SSBP2: variants seen among roughly 807,000 people sequenced by gnomAD.
The protein encoded by SSBP2 is single-stranded DNA-binding protein 2.
In SSBP2, 17 loss-of-function variants were observed where a neutral mutation model predicts 61.8. The ratio of observed to expected loss-of-function variants is 0.28; its 90% CI spans 0.19 to 0.41. SSBP2 has a LOEUF of 0.41. Ranked by LOEUF, SSBP2 falls within the 10% of genes least tolerant of loss-of-function variation. The pLI, the probability that SSBP2 is intolerant of heterozygous loss-of-function variation, is 1.00. For synonymous variants in SSBP2, 139 were observed against 141.3 expected, an observed-to-expected ratio of 0.98 and a Z score of 0.12; for missense variants, 310 against 458.7, an observed-to-expected ratio of 0.68 and a Z score of 2.96.
rs537397618 is a variant in SSBP2, at chr5:81,596,094, G to A, written c.282+19379C>T. Among the ~76,000 whole-genome samples, 21 of 152,218 alleles carry A rather than the reference G, an allele frequency of 1.4e-4. No individual in the cohort carries two copies. The South Asian group carries it at 3.7e-3, about 27-fold the overall frequency. On this transcript the variant is annotated intron_variant, in intron 4 of 16. Transcript: ENST00000320672. Reference sequence around the variant, plus strand: ...GATTGTATATCTAGAAAACCCCAACGTCTCAGCCCAAAATCTCCTCAAGCT... The same window carrying A: ...GATTGTATATCTAGAAAACCCCAACATCTCAGCCCAAAATCTCCTCAAGCT...
intron 1 of SSBP2, among the ~76,000 whole-genome samples, chr5:81,671,563 A>G (rs912837755): frequency 7.2e-5 from 11 of 152,176 alleles, no homozygotes; most frequent in Admixed American, 6.6e-4. Flanking sequence ...GTTTGAAACA[A>G]AAACCATTTT....
chr5:81,473,681 A>G lies in SSBP2; in HGVS notation c.570+19T>C. ...TGGTTCCATATCTTTGCTATTGTAA[A>G]TATGCACTGATTATTTACCTGTGGT... On this transcript the variant is annotated intron_variant, in intron 8 of 16. Coordinates refer to ENST00000320672, the MANE Select transcript of SSBP2 (RefSeq NM_012446.5). 1 of 1,612,644 alleles carries G rather than the reference A, an allele frequency of 6.2e-7. No homozygotes were observed. Among genetic ancestry groups the G allele is most frequent in the Non-Finnish European group, 8.5e-7 (1 of 1,178,860 alleles).
At chr5:81,615,397 G>T in intron 4 of SSBP2, 76 bp downstream of exon 4, 1 of 1,031,584 alleles carries the variant, frequency 9.7e-7, no homozygotes, top group Non-Finnish European at 1.5e-6. Context: ...GAATAGATGA[G>T]CCAGTGTATT....
intron 2 of SSBP2, among the ~76,000 whole-genome samples, chr5:81,643,689 A>G (rs1749007285): frequency 7.7e-6 from 1 of 129,742 alleles, no homozygotes; most frequent in Non-Finnish European, 1.5e-5. Context: ...TGCAACCTCC[A>G]CTGCCCAGGC....
intron 4 of SSBP2, among the ~76,000 whole-genome samples, chr5:81,545,638 C>G (rs1771674887): frequency 6.6e-6 from 1 of 152,110 alleles, no homozygotes; most frequent in African/African-American, 2.4e-5. Flanking sequence ...GTGATATACT[C>G]TGGGATATAT....
At chr5:81,654,208 T>TC (rs1309444266) in intron 1 of SSBP2, among the ~76,000 whole-genome samples, 3 of 152,112 alleles carry the variant, frequency 2.0e-5, no homozygotes, top group African/African-American at 7.2e-5. Context: ...CAAGAGATCC[T>TC]CCTGCCTAGG....
chr5:81,431,458 C>CATAT (rs202176296), intron 15 of SSBP2, among the ~76,000 whole-genome samples: 1 of 151,852 alleles, frequency 6.6e-6, no homozygotes, highest in African/African-American at 2.4e-5. Flanking sequence ...TATTTATATA[C>CATAT]ATATATATAT....
At chr5:81,664,672 TA>T (rs1417368156) in intron 1 of SSBP2, among the ~76,000 whole-genome samples, 2 of 152,210 alleles carry the variant, frequency 1.3e-5, no homozygotes, top group African/African-American at 2.4e-5. Context: ...TGGAAGTTAC[TA>T]AACAATTCGT....
rs969261451 is a variant in SSBP2, at chr5:81,676,088, C to T, written c.63-25749G>A. Among the ~76,000 whole-genome samples the T allele has an allele frequency of 2.0e-5, 3 of 152,142 alleles. No individual in the cohort carries two copies. In the East Asian group the frequency reaches 5.8e-4, roughly 29 times the overall value. On this transcript the variant is annotated intron_variant, in intron 1 of 16. Transcript: ENST00000320672. ...AAAGTCCCTCAGGCAACTTAAATGC[C>T]ATCGCTTCTCTGTTCTGCCTCTTAG...
Position 81,442,633 on chromosome 5 carries a change from T to TA in SSBP2, c.849+19dup. 3 of 1,432,436 alleles carry TA rather than the reference T, an allele frequency of 2.1e-6. No individual in the cohort carries two copies. Among genetic ancestry groups the TA allele is most frequent in the Non-Finnish European group, 2.9e-6 (3 of 1,034,252 alleles). 88.7% of individuals were successfully genotyped at this position (1,432,436 alleles called of 1,614,324 possible). A position where few individuals can be genotyped will look rare whatever the true frequency, so the allele number is the denominator to read the frequency against. On this transcript the variant is annotated intron_variant, in intron 13 of 16. Transcript: ENST00000320672. ...AAAGTCTTCAAATACATTCCAAAAATAAAAAAAGTTCATATTTACATTAGG... is the reference window on the plus strand; with the variant it reads ...AAAGTCTTCAAATACATTCCAAAAATAAAAAAAAGTTCATATTTACATTAGG...
chr5:81,675,229 A>T (rs1163263338), intron 1 of SSBP2, among the ~76,000 whole-genome samples: 1 of 152,206 alleles, frequency 6.6e-6, no homozygotes, highest in Admixed American at 6.6e-5. Context: ...ACTGAGTGGT[A>T]AGAAACCAAA....
chr5:81,573,735 G>A (rs939481721), intron 4 of SSBP2, among the ~76,000 whole-genome samples: 3 of 151,884 alleles, frequency 2.0e-5, no homozygotes, highest in African/African-American at 7.3e-5. Flanking sequence ...AAAAATCCAG[G>A]GATATAAGAA....
intron 1 of SSBP2, among the ~76,000 whole-genome samples, chr5:81,707,200 G>A (rs956655526): frequency 1.1e-4 from 17 of 152,066 alleles, no homozygotes; most frequent in Non-Finnish European, 1.3e-4. Flanking sequence ...CTCCAGTAAG[G>A]CTTCATTTAC....
At chr5:81,710,032 A>G (rs886471122) in intron 1 of SSBP2, among the ~76,000 whole-genome samples, 1 of 152,042 alleles carries the variant, frequency 6.6e-6, no homozygotes, top group African/African-American at 2.4e-5. Context: ...GGCTCTTGCC[A>G]CAGTATCCTC....
At chr5:81,652,499 C>A (rs1336198693) in intron 1 of SSBP2, among the ~76,000 whole-genome samples, 2 of 152,082 alleles carry the variant, frequency 1.3e-5, no homozygotes, top group Non-Finnish European at 2.9e-5. Flanking sequence ...GGTGTGAGCC[C>A]ATCCTCCTAC....
At chr5:81,585,638 A>G (rs1317235846) in intron 4 of SSBP2, among the ~76,000 whole-genome samples, 1 of 152,034 alleles carries the variant, frequency 6.6e-6, no homozygotes, top group Admixed American at 6.6e-5. Context: ...TAACATATCT[A>G]TTTCCTCACA....
At chr5:81,519,433 T>C (rs538664200) in intron 4 of SSBP2, among the ~76,000 whole-genome samples, 118 of 152,260 alleles carry the variant, frequency 7.7e-4, no homozygotes, top group Non-Finnish European at 1.4e-3. Context: ...CACAAAAATA[T>C]GTTTTTCCTT....
intron 6 of SSBP2, among the ~76,000 whole-genome samples, chr5:81,476,821 ATATT>A (rs1765623030): frequency 6.6e-6 from 1 of 152,162 alleles, no homozygotes; most frequent in Admixed American, 6.6e-5. Flanking sequence ...CATTCTTTTT[ATATT>A]TATTAGTTGG....
intron 4 of SSBP2, among the ~76,000 whole-genome samples, chr5:81,593,543 A>C (rs1447426824): frequency 6.6e-6 from 1 of 152,224 alleles, no homozygotes; most frequent in Non-Finnish European, 1.5e-5. Flanking sequence ...TCACTGTCAG[A>C]TTCACCAAAG....
Sources: allele counts gnomAD v4.1 joint callset (sites outside exome capture counted in the v4.1 genomes callset), GRCh38; gene constraint gnomAD v4.1.1; transcripts MANE v1.5; gene names NCBI Gene and HGNC (gene_info 2026-07-23, HGNC 2026-07-21).